The following IL3RA variants were observed in gnomAD, a reference collection of about 807,000 sequenced individuals.
The protein encoded by IL3RA is interleukin-3 receptor subunit alpha.
In IL3RA, 73 loss-of-function variants were observed where a neutral mutation model predicts 52.3. That is an observed-to-expected ratio of 1.40 (90% confidence interval 1.16 to 1.70). IL3RA has a LOEUF of 1.70. Among genes scored for constraint, IL3RA ranks in the 40% most tolerant of loss-of-function variants. The pLI, the probability that IL3RA is intolerant of heterozygous loss-of-function variation, is 0.00. For synonymous variants in IL3RA, 260 were observed against 194.0 expected (o/e 1.34, Z -2.83); for missense variants, 664 against 504.4 (o/e 1.32, Z -3.03).
At chrX:1,355,366 GGAGA>G (rs1468718186) in intron 6 of IL3RA, among the ~76,000 whole-genome samples, 3 of 135,156 alleles carry the variant, frequency 2.2e-5, no homozygotes, top group Non-Finnish European at 4.8e-5. Context: ...AGAATGGGGA[GGAGA>G]GAGGAGTGGT....
intron 9 of IL3RA, among the ~76,000 whole-genome samples, chrX:1,366,532 C>T (rs1237217342): frequency 1.3e-5 from 1 of 79,084 alleles, no homozygotes; most frequent in Non-Finnish European, 2.7e-5. Flanking sequence ...GCCCGGTGAG[C>T]CGGGTGCGCG....
intron 10 of IL3RA, 141 bp from the exon 11 acceptor site, chrX:1,380,882 C>A (rs2089146417): frequency 1.4e-6 from 1 of 722,462 alleles, no homozygotes; most frequent in Non-Finnish European, 2.4e-6. Context: ...GCCTCAGGGG[C>A]CGGGAAAATA....
chrX:1,352,244 C>G lies in IL3RA; in HGVS notation c.431+12C>G. 6.2e-7 allele frequency: 1 copy of G among 1,613,476 alleles called. No individual in the cohort carries two copies. Among genetic ancestry groups the G allele is most frequent in the Non-Finnish European group, 8.5e-7 (1 of 1,179,618 alleles). ...TTGAACGTTGCCAAGTAGGTGTGCC[C>G]GTGGGCAGAGGCCGGGCTGTCCCTG... On this transcript the variant is annotated intron_variant, in intron 5 of 11. Transcript: ENST00000331035.
intron 8 of IL3RA, 62 bp downstream of exon 8, chrX:1,358,949 T>C: frequency 8.0e-7 from 1 of 1,251,708 alleles, no homozygotes; most frequent in Non-Finnish European, 1.1e-6. Context: ...TTTATTATTA[T>C]TAAGAATAAA....
At chrX:1,361,334 G>C (rs2087336822) in intron 8 of IL3RA, among the ~76,000 whole-genome samples, 1 of 152,088 alleles carries the variant, frequency 6.6e-6, no homozygotes, top group African/African-American at 2.4e-5. Flanking sequence ...ACCCAAGACT[G>C]GGTAATTTAT....
intron 8 of IL3RA, among the ~76,000 whole-genome samples, chrX:1,359,611 CCTCT>C (rs2087015176): frequency 7.0e-6 from 1 of 143,226 alleles, no homozygotes; most frequent in South Asian, 2.3e-4. Flanking sequence ...TCTTTCCCTC[CCTCT>C]CTCATTCTCC....
intron 9 of IL3RA, among the ~76,000 whole-genome samples, chrX:1,378,095 A>G (rs1458546012): frequency 6.7e-6 from 1 of 149,456 alleles, no homozygotes; most frequent in Non-Finnish European, 1.5e-5. Flanking sequence ...CAGGGGCAGG[A>G]GAATCGCTTG....
At chrX:1,368,279 G>A in intron 9 of IL3RA, among the ~76,000 whole-genome samples, 1 of 152,032 alleles carries the variant, frequency 6.6e-6, no homozygotes, top group East Asian at 1.9e-4. Context: ...CAAAACAAAA[G>A]GATCGCCTCA....
At chrX:1,348,671 T>C in intron 4 of IL3RA, 126 bp downstream of exon 4, 1 of 462,660 alleles carries the variant, frequency 2.2e-6, no homozygotes, top group Non-Finnish European at 3.7e-6. Context: ...TCTTTCTTTC[T>C]TTCTTTCTTT....
rs1409906617 is a variant in IL3RA at position 1,363,362 on chromosome X, G to A, written c.760-1776G>A. On this transcript the variant is annotated intron_variant, in intron 8 of 11. Transcript: ENST00000331035. ...GTCACCCAGGCTGGAGTGCAGTGGCGCAATCTCGGCTCACTGCAAGCTCCG... is the reference window on the plus strand; with the variant it reads ...GTCACCCAGGCTGGAGTGCAGTGGCACAATCTCGGCTCACTGCAAGCTCCG... 2.3e-4 allele frequency among the ~76,000 whole-genome samples: 34 copies of A among 147,046 alleles called. 1 individual carries two copies. The highest frequency in any genetic ancestry group is 3.9e-4 in the Non-Finnish European group (26 of 66,904).
chrX:1,368,619 T>G (rs867938971), intron 9 of IL3RA, among the ~76,000 whole-genome samples: 20 of 152,292 alleles, frequency 1.3e-4, no homozygotes, highest in African/African-American at 4.6e-4. Context: ...AATGAGGTCA[T>G]TAGGGTGGGC....
At chrX:1,349,596 G>A (rs1465834056) in intron 4 of IL3RA, among the ~76,000 whole-genome samples, 25 of 152,094 alleles carry the variant, frequency 1.6e-4, no homozygotes, top group African/African-American at 5.8e-4. Context: ...GTAAGCATCA[G>A]CCACCACGCC....
intron 4 of IL3RA, among the ~76,000 whole-genome samples, chrX:1,350,598 A>T (rs1408602506): frequency 6.8e-6 from 1 of 147,552 alleles, no homozygotes; most frequent in Non-Finnish European, 1.5e-5. Context: ...TAAAAAAAAA[A>T]AAAAATTAAA....
chrX:1,363,236 G>A (rs1425271613), intron 8 of IL3RA, among the ~76,000 whole-genome samples: 1 of 151,646 alleles, frequency 6.6e-6, no homozygotes, highest in African/African-American at 2.4e-5. Flanking sequence ...TGCAACATAT[G>A]AATTTTGGGG....
chrX:1,364,790 TTTTA>T (rs1556635676), intron 8 of IL3RA, among the ~76,000 whole-genome samples: 377 of 141,798 alleles, frequency 2.7e-3, no homozygotes, highest in Non-Finnish European at 4.3e-3. Context: ...TCTTTTCTTC[TTTTA>T]TTTATTTATT....
At chrX:1,353,946 C>A (rs1449553477) in intron 6 of IL3RA, among the ~76,000 whole-genome samples, 2 of 98,812 alleles carry the variant, frequency 2.0e-5, no homozygotes, top group Non-Finnish European at 4.0e-5. Context: ...TCATGGGACC[C>A]CCCCCCCCAT....
At chrX:1,348,646 CTTTCTTTCTTTCTTTCTT>C (rs2085896957) in intron 4 of IL3RA, 101 bp downstream of exon 4, 1 of 282,064 alleles carries the variant, frequency 3.5e-6, no homozygotes. Context: ...TTCTTTTTCT[CTTTCTTTCTTTCTTTCTT>C]TCTTTCTTTC....
chrX:1,340,262 C>G (rs2085442558), intron 1 of IL3RA, among the ~76,000 whole-genome samples: 1 of 152,002 alleles, frequency 6.6e-6, no homozygotes, highest in Non-Finnish European at 1.5e-5. Flanking sequence ...ATTATAGGCA[C>G]ACTCCACCAC....
chrX:1,368,403 G>A (rs1276042754), intron 9 of IL3RA, among the ~76,000 whole-genome samples: 1 of 151,950 alleles, frequency 6.6e-6, no homozygotes, highest in African/African-American at 2.4e-5. Context: ...TGACCAACAT[G>A]GAAAAACCCT....
Sources: allele counts gnomAD v4.1 joint callset (sites outside exome capture counted in the v4.1 genomes callset), GRCh38; gene constraint gnomAD v4.1.1; transcripts MANE v1.5; gene names NCBI Gene and HGNC (gene_info 2026-07-23, HGNC 2026-07-21).